Variants in RFX3 observed in about 807,000 individuals in gnomAD.
The protein encoded by RFX3 is transcription factor RFX3.
Under a neutral mutation model 98.6 loss-of-function variants are expected in RFX3, and 14 were observed. The observed-to-expected ratio is 0.14, with a 90% CI of 0.09 to 0.22. The LOEUF is 0.22. RFX3 is among the 10% of genes least tolerant of loss of function. The pLI is 1.00. For missense variants in RFX3, 639 were observed against 926.9 expected (o/e 0.69, Z 4.03); for synonymous variants, 383 against 328.4 (o/e 1.17, Z -1.80).
intron 4 of RFX3, among the ~76,000 whole-genome samples, chr9:3,307,722 CAT>C (rs1316714967): frequency 1.1e-4 from 17 of 152,166 alleles, no homozygotes; most frequent in South Asian, 2.1e-4. Context: ...TTCTCTGCCG[CAT>C]AGTCTTTATT....
intron 3 of RFX3, among the ~76,000 whole-genome samples, chr9:3,343,617 T>C (rs564426569): frequency 1.3e-5 from 2 of 152,356 alleles, no homozygotes; most frequent in South Asian, 4.1e-4. Flanking sequence ...AAAATACTTA[T>C]GGTCGCTAGT....
At chr9:3,403,236 T>C (rs914798704) in intron 1 of RFX3, among the ~76,000 whole-genome samples, 1 of 152,128 alleles carries the variant, frequency 6.6e-6, no homozygotes, top group African/African-American at 2.4e-5. Flanking sequence ...CCTTTCTTTA[T>C]TTAAAACACA....
intron 4 of RFX3, among the ~76,000 whole-genome samples, chr9:3,304,599 C>T (rs1391044537): frequency 6.6e-6 from 1 of 151,888 alleles, no homozygotes; most frequent in Non-Finnish European, 1.5e-5. Flanking sequence ...GGTGGTTTCC[C>T]CAATACTGTT....
chr9:3,474,574 C>T (rs1849063037), intron 1 of RFX3, among the ~76,000 whole-genome samples: 1 of 152,198 alleles, frequency 6.6e-6, no homozygotes, highest in African/African-American at 2.4e-5. Context: ...TTTAGTATCA[C>T]TGTCTCCAAT....
At chr9:3,377,614 G>A (rs1838694693) in intron 2 of RFX3, among the ~76,000 whole-genome samples, 1 of 152,128 alleles carries the variant, frequency 6.6e-6, no homozygotes, top group Admixed American at 6.6e-5. Flanking sequence ...TATGTTGTAT[G>A]ACATCATTTA....
chr9:3,236,484 C>A (rs1007736630), intron 15 of RFX3, among the ~76,000 whole-genome samples: 1 of 152,184 alleles, frequency 6.6e-6, no homozygotes, highest in Non-Finnish European at 1.5e-5. Flanking sequence ...GTCCTCTGGA[C>A]AGTTTCATGA....
At chr9:3,295,973 G>T (rs1827937394) in intron 5 of RFX3, among the ~76,000 whole-genome samples, 1 of 151,994 alleles carries the variant, frequency 6.6e-6, no homozygotes, top group Non-Finnish European at 1.5e-5. Context: ...CCCTACTTGT[G>T]TACTAGTCTT....
intron 5 of RFX3, among the ~76,000 whole-genome samples, chr9:3,299,489 G>C (rs1376840558): frequency 1.3e-5 from 2 of 151,628 alleles, no homozygotes; most frequent in East Asian, 3.9e-4. Flanking sequence ...ATTTTTGAAT[G>C]AACTTCACTG....
rs867958914 is a variant in RFX3, at chr9:3,256,290, C to T, written c.1814+701G>A. 5.9e-5 allele frequency among the ~76,000 whole-genome samples: 9 copies of T among 151,924 alleles called. 1 individual carries two copies. In the South Asian group the frequency reaches 1.9e-3, roughly 32 times the overall value. ...CAGCCACTAATCACTATCTCTTGAC[C>T]ACCAAGATTTTGATTTAGTAGGTCT... is the stretch of plus-strand genomic sequence containing the variant. On this transcript the variant is annotated intron_variant, in intron 14 of 16. Transcript: ENST00000617270.
intron 2 of RFX3, among the ~76,000 whole-genome samples, chr9:3,374,668 T>C (rs971096362): frequency 1.6e-4 from 24 of 152,222 alleles, no homozygotes; most frequent in African/African-American, 5.8e-4. Flanking sequence ...GCCAAATTCA[T>C]AGAAACAAAA....
intron 9 of RFX3, among the ~76,000 whole-genome samples, chr9:3,272,259 G>A (rs970934171): frequency 4.6e-5 from 7 of 152,008 alleles, no homozygotes; most frequent in African/African-American, 1.7e-4. Context: ...TTGAGGCAAA[G>A]GTAAAACAGC....
At chr9:3,315,903 AG>A (rs1218097049) in intron 4 of RFX3, among the ~76,000 whole-genome samples, 8 of 152,192 alleles carry the variant, frequency 5.3e-5, no homozygotes, top group Admixed American at 3.9e-4. Context: ...AACCAAAAAA[AG>A]TCCAGGACCA....
At chr9:3,389,197 T>C (rs1840029238) in intron 2 of RFX3, among the ~76,000 whole-genome samples, 1 of 152,150 alleles carries the variant, frequency 6.6e-6, no homozygotes, top group African/African-American at 2.4e-5. Flanking sequence ...TTTTCCTTTG[T>C]CTTTCTCCTG....
chr9:3,402,346 C>G (rs1841553419), intron 1 of RFX3, among the ~76,000 whole-genome samples: 2 of 152,130 alleles, frequency 1.3e-5, no homozygotes, highest in African/African-American at 4.8e-5. Context: ...ATTTAATTTT[C>G]AAGCTCAACA....
At chr9:3,351,908 T>C (rs1415465200) in intron 2 of RFX3, among the ~76,000 whole-genome samples, 1 of 151,980 alleles carries the variant, frequency 6.6e-6, no homozygotes, top group African/African-American at 2.4e-5. Flanking sequence ...GGCATATCAT[T>C]TGACATTTTT....
At chr9:3,287,005 A>G (rs1376579400) in intron 7 of RFX3, among the ~76,000 whole-genome samples, 1 of 151,882 alleles carries the variant, frequency 6.6e-6, no homozygotes, top group African/African-American at 2.4e-5. Context: ...TCCTTGATCA[A>G]AGTTTTATTT....
intron 16 of RFX3, among the ~76,000 whole-genome samples, chr9:3,226,761 C>T (rs1263304507): frequency 6.6e-6 from 1 of 152,112 alleles, no homozygotes; most frequent in African/African-American, 2.4e-5. Context: ...AACATGTTTG[C>T]ATGATATGTT....
chr9:3,429,086 G>A (rs3928273), intron 1 of RFX3, among the ~76,000 whole-genome samples: 3 of 148,958 alleles, frequency 2.0e-5, no homozygotes, highest in Non-Finnish European at 4.4e-5. Context: ...GCGGTGGCGC[G>A]ATCTCGGCTC....
intron 2 of RFX3, among the ~76,000 whole-genome samples, chr9:3,379,879 AATTTATTTATTTATTTATTTATTTATTT>A (rs36232668): frequency 6.8e-6 from 1 of 146,626 alleles, no homozygotes; most frequent in East Asian, 2.0e-4. Flanking sequence ...ACTTATGGGC[AATTTATTTATTTATTTATTTATTTATTT>A]ATTTATTTAT....
Sources: allele counts gnomAD v4.1 joint callset (sites outside exome capture counted in the v4.1 genomes callset), GRCh38; gene constraint gnomAD v4.1.1; transcripts MANE v1.5; gene names NCBI Gene and HGNC (gene_info 2026-07-23, HGNC 2026-07-21).